Variants in MYO10 observed in about 807,000 individuals in gnomAD.
MYO10 encodes myosin X, also known as unconventional myosin-X.
Under a neutral mutation model 257.3 loss-of-function variants are expected in MYO10, and 133 were observed. The observed-to-expected ratio is 0.52, with a 90% confidence interval of 0.45 to 0.60. The LOEUF (loss-of-function observed/expected upper bound fraction) is 0.60, where lower values mean the gene tolerates loss of function less well. Ranked by LOEUF, MYO10 falls within the 20% of genes least tolerant of loss-of-function variation. MYO10 has a pLI of 0.00. For synonymous variants in MYO10, 1,104 were observed against 1,028.6 expected (o/e 1.07, Z -1.40); for missense variants, 2,399 against 2,635.7 (o/e 0.91, Z 1.97).
intron 1 of MYO10, among the ~76,000 whole-genome samples, chr5:16,903,166 G>A (rs746442004): frequency 3.0e-4 from 45 of 152,234 alleles, no homozygotes; most frequent in Non-Finnish European, 3.8e-4. Context: ...CCAGCACTTG[G>A]GAGGCCAAGG....
chr5:16,857,433 G>A lies in MYO10; in HGVS notation c.120+20176C>T, dbSNP rs149307692. 2.6e-4 allele frequency among the ~76,000 whole-genome samples: 40 copies of A among 152,298 alleles called. 1 individual carries two copies. The South Asian group carries it at 4.8e-3, about 18-fold the overall frequency. On this transcript the variant is annotated intron_variant, in intron 2 of 40. Transcript: ENST00000513610. Reference sequence around the variant, plus strand: ...ATGAGATGCTTTTATTTAGAGCATGGATTTCAAAAAACAAATCCCCACACA... The same window carrying A: ...ATGAGATGCTTTTATTTAGAGCATGAATTTCAAAAAACAAATCCCCACACA...
chr5:16,730,957 G>A (rs1739558010), intron 19 of MYO10, among the ~76,000 whole-genome samples: 1 of 152,120 alleles, frequency 6.6e-6, no homozygotes, highest in African/African-American at 2.4e-5. Context: ...GTTCAGGGAT[G>A]TGGGAAGGTA....
intron 1 of MYO10, chr5:16,902,455 CAT>C: frequency 7.5e-7 from 1 of 1,329,032 alleles, no homozygotes; most frequent in Non-Finnish European, 1.1e-6. Flanking sequence ...TTGGGAAGCA[CAT>C]AGGCATCGAA....
At chr5:16,719,977 TGTGTGTGCGTGC>T (rs1177218879) in intron 19 of MYO10, among the ~76,000 whole-genome samples, 3 of 126,226 alleles carry the variant, frequency 2.4e-5, no homozygotes, top group Non-Finnish European at 4.8e-5. Flanking sequence ...AAGAAATAAA[TGTGTGTGCGTGC>T]GTGTGTGTGT....
At chr5:16,719,489 A>G (rs1332164180) in intron 19 of MYO10, among the ~76,000 whole-genome samples, 1 of 152,200 alleles carries the variant, frequency 6.6e-6, no homozygotes, top group Non-Finnish European at 1.5e-5. Context: ...TGCTTTAATA[A>G]CAAATATCAA....
chr5:16,863,895 C>T (rs1326774366), intron 2 of MYO10, among the ~76,000 whole-genome samples: 1 of 152,138 alleles, frequency 6.6e-6, no homozygotes, highest in South Asian at 2.1e-4. Context: ...CTCAGGAGTT[C>T]GTGACCAGCC....
rs550191538 is a variant in MYO10, at chr5:16,936,187, G to C, written c.-379C>G. ...CCGGGGGCCCTCGGGGCGGGCAGGA[G>C]GACAGCGGGCCGCAAAGTGAGCAGG... On this transcript the variant is annotated 5_prime_UTR_variant, in exon 1 of 41. Coordinates refer to ENST00000513610, the MANE Select transcript of MYO10 (RefSeq NM_012334.3). 9.0e-4 allele frequency: 232 copies of C among 257,870 alleles called. 3 individuals are homozygous for C. The highest frequency in any genetic ancestry group is 5.2e-3 in the African/African-American group (226 of 43,518). The allele number at this position is 257,870 out of a possible 1,614,324, so 16.0% of individuals were successfully genotyped here. A position where few individuals can be genotyped will look rare whatever the true frequency, so the allele number is the denominator to read the frequency against.
chr5:16,675,100 A>G lies in MYO10; in HGVS notation c.4717T>C (p.Phe1573Leu), dbSNP rs371657176. 13 of 1,613,880 alleles carry G rather than the reference A, an allele frequency of 8.1e-6. No individual in the cohort carries two copies. The highest frequency in any genetic ancestry group is 1.3e-5 in the African/African-American group (1 of 74,916). The change falls in exon 35 of 41, where the codon TTC becomes CTC. Residue 1573 changes from phenylalanine (F) to leucine (L), a missense_variant. Around this residue, in one of 3 missense-constraint regions of MYO10, gnomAD observed 1,820 missense variants for 1,939.4 expected, o/e 0.94. Transcript: ENST00000513610. ...GACTCCAGTTGCTGCAGGGAATTGA[A>G]TATCTTGATGGCCTCATCCTGAAGG... The part of the protein sequence containing the change: ...TTLQDEAIKI[F>L]NSLQQLESMS...
intron 19 of MYO10, among the ~76,000 whole-genome samples, chr5:16,742,811 C>CA (rs57564484): frequency 0.11 from 15,139 of 133,404 alleles, 2,484 homozygotes; most frequent in African/African-American, 0.37. Context: ...GACTCGGTCT[C>CA]AAAAAAAAAA....
At chr5:16,682,697 G>A (rs192414351) in intron 30 of MYO10, among the ~76,000 whole-genome samples, 4 of 152,220 alleles carry the variant, frequency 2.6e-5, no homozygotes, top group Admixed American at 2.6e-4. Context: ...AATGTTCACT[G>A]TAGTTAGGTG....
intron 3 of MYO10, among the ~76,000 whole-genome samples, chr5:16,796,069 A>T (rs1186279240): frequency 6.6e-6 from 1 of 151,308 alleles, no homozygotes; most frequent in Admixed American, 6.6e-5. Flanking sequence ...CACACCTGTA[A>T]TCCCAGCTAC....
intron 30 of MYO10, 34 bp from the exon 31 acceptor site, chr5:16,682,047 T>G: frequency 6.2e-7 from 1 of 1,604,312 alleles, no homozygotes; most frequent in African/African-American, 1.3e-5. Context: ...ACAAAGCCCC[T>G]TAGCCCTACC....
Position 16,718,262 on chromosome 5 carries a change from G to C in MYO10, c.1930-7017C>G, listed in dbSNP as rs892422916. Among the ~76,000 whole-genome samples the C allele has an allele frequency of 2.6e-5, 4 of 152,208 alleles. No homozygotes were observed. In the East Asian group the frequency reaches 7.7e-4, roughly 29 times the overall value. ...CACTCCATGGGCTCCTGTGCGGCCG[G>C]AGCCTCCCTGACGAGCACCGCCCCC... On this transcript the variant is annotated intron_variant, in intron 19 of 40. Transcript: ENST00000513610.
intron 1 of MYO10, among the ~76,000 whole-genome samples, chr5:16,894,857 T>C (rs781649684): frequency 6.6e-6 from 1 of 152,148 alleles, no homozygotes; most frequent in Non-Finnish European, 1.5e-5. Flanking sequence ...GGAAGCCCCA[T>C]GTTGAAAGGT....
chr5:16,936,106 G>C lies in MYO10; in HGVS notation c.-298C>G, dbSNP rs954059275. 4 of 418,008 alleles carry C rather than the reference G, an allele frequency of 9.6e-6. No individual in the cohort carries two copies. The highest frequency in any genetic ancestry group is 4.2e-5 in the African/African-American group (2 of 47,300). The allele number at this position is 418,008 out of a possible 1,614,324, so 25.9% of individuals were successfully genotyped here. A position where few individuals can be genotyped will look rare whatever the true frequency, so the allele number is the denominator to read the frequency against. Reference sequence around the variant, plus strand: ...CAGCTGGTGGCACATTCTTCCCCCAGGCGGGGGAAGGCGGCGGGGTGCTGG... The same window carrying C: ...CAGCTGGTGGCACATTCTTCCCCCACGCGGGGGAAGGCGGCGGGGTGCTGG... On this transcript the variant is annotated 5_prime_UTR_variant, in exon 1 of 41. Transcript: ENST00000513610.
Position 16,674,945 on chromosome 5 carries a change from G to A in MYO10, c.4872C>T (p.Gly1624=). The A allele has an allele frequency of 6.2e-7, 1 of 1,614,018 alleles. No individual in the cohort carries two copies. The highest frequency in any genetic ancestry group is 8.5e-7 in the Non-Finnish European group (1 of 1,179,902). Residue 1624 remains glycine (G), a synonymous_variant, in exon 35 of 41, where the codon GGC becomes GGT. Transcript: ENST00000513610. ...TCAGGATCTGCCAGCTGTACAGGTT[G>A]CCCACACTGCCGGGGTGGGGCACTT... is the stretch of plus-strand genomic sequence containing the variant. The part of the protein sequence containing the change: ...TNKVPHPGSV[G]NLYSWQILTC...
chr5:16,776,756 AAC>A (rs1231411253), intron 9 of MYO10, among the ~76,000 whole-genome samples: 1 of 152,216 alleles, frequency 6.6e-6, no homozygotes, highest in Admixed American at 6.5e-5. Context: ...GTCCCGAGAG[AAC>A]ACAGAGTACC....
At chr5:16,739,640 T>C (rs1739941235) in intron 19 of MYO10, among the ~76,000 whole-genome samples, 1 of 152,140 alleles carries the variant, frequency 6.6e-6, no homozygotes, top group Non-Finnish European at 1.5e-5. Context: ...CTTGAAAGTA[T>C]AGCCACTGAC....
chr5:16,854,754 G>A (rs145553706), intron 2 of MYO10, among the ~76,000 whole-genome samples: 8 of 152,224 alleles, frequency 5.3e-5, no homozygotes, highest in African/African-American at 1.7e-4. Flanking sequence ...ACTATTGGCC[G>A]GGCATGGTGG....
Sources: allele counts gnomAD v4.1 joint callset (sites outside exome capture counted in the v4.1 genomes callset), GRCh38; gene constraint gnomAD v4.1.1; regional missense constraint gnomAD v4.1.1; transcripts MANE v1.5; gene names NCBI Gene and HGNC (gene_info 2026-07-23, HGNC 2026-07-21).